Variants in IL12RB2 observed in about 807,000 individuals in gnomAD.
The protein encoded by IL12RB2 is interleukin 12 receptor subunit beta 2.
In IL12RB2, 82 loss-of-function variants were observed where a neutral mutation model predicts 89.4. The ratio of observed to expected loss-of-function variants is 0.92; its 90% confidence interval spans 0.77 to 1.10. The LOEUF (loss-of-function observed/expected upper bound fraction) is 1.10. Among genes scored for constraint, IL12RB2 ranks in the 50% least tolerant of loss-of-function variants. IL12RB2 has a pLI of 0.00. For missense variants in IL12RB2, 963 were observed against 1,031.9 expected (o/e 0.93, Z 0.92); for synonymous variants, 368 against 370.1 (o/e 0.99, Z 0.07).
intron 10 of IL12RB2, among the ~76,000 whole-genome samples, chr1:67,360,023 C>T (rs939879838): frequency 1.3e-5 from 2 of 152,056 alleles, no homozygotes; most frequent in South Asian, 2.1e-4. Flanking sequence ...GCTGGAGGCT[C>T]AGAACGGACA....
rs750327354 is a variant in IL12RB2, at chr1:67,321,907, A to C, written c.364+18A>C. Reference sequence around the variant, plus strand: ...CGTTGGTGGTGAGCATTCCATTTTGAATTTTTAAAACTTGGTGATCTTTTG... The same window carrying C: ...CGTTGGTGGTGAGCATTCCATTTTGCATTTTTAAAACTTGGTGATCTTTTG... On this transcript the variant is annotated intron_variant, in intron 4 of 16. Coordinates refer to ENST00000674203, the MANE Select transcript of IL12RB2 (RefSeq NM_001374259.2). 1.2e-6 allele frequency: 2 copies of C among 1,608,334 alleles called. No homozygotes were observed. The highest frequency in any genetic ancestry group is 4.5e-5 in the East Asian group (2 of 44,842).
chr1:67,350,830 T>A, intron 9 of IL12RB2, 40 bp from the exon 10 acceptor site: 1 of 1,610,814 alleles, frequency 6.2e-7, no homozygotes. Flanking sequence ...TCAGTGATCT[T>A]GTCTGGGAGT....
chr1:67,384,539 G>A (rs1664938886), intron 14 of IL12RB2, among the ~76,000 whole-genome samples: 1 of 152,196 alleles, frequency 6.6e-6, no homozygotes, highest in African/African-American at 2.4e-5. Flanking sequence ...CATTGTCTTG[G>A]TAATTAACAT....
intron 13 of IL12RB2, among the ~76,000 whole-genome samples, chr1:67,379,059 T>A (rs1664286338): frequency 6.7e-6 from 1 of 150,114 alleles, no homozygotes; most frequent in Non-Finnish European, 1.5e-5. Flanking sequence ...TAGCCAGGCA[T>A]GGTGGCACAC....
rs554889242 is a variant in IL12RB2 at position 67,362,289 on chromosome 1, G to A, written c.1259-5536G>A. The stretch of plus-strand genomic sequence containing the variant: ...CTGTCTCAAAAAAGAAAAAGAGGCC[G>A]GGCGCGGTGGCTCACGCCTGTAATC... On this transcript the variant is annotated intron_variant, in intron 10 of 16. Transcript: ENST00000674203. Among the ~76,000 whole-genome samples, 6 of 149,930 alleles carry A rather than the reference G, an allele frequency of 4.0e-5. No individual in the cohort carries two copies. The East Asian group carries it at 6.0e-4, about 15-fold the overall frequency.
intron 9 of IL12RB2, among the ~76,000 whole-genome samples, chr1:67,342,209 GTTTT>G (rs962799273): frequency 6.6e-6 from 1 of 150,460 alleles, no homozygotes; most frequent in Non-Finnish European, 1.5e-5. Context: ...TGTTTTTTGG[GTTTT>G]TTTTGTTTTT....
chr1:67,323,255 G>A (rs943365657), intron 4 of IL12RB2, among the ~76,000 whole-genome samples: 4 of 152,176 alleles, frequency 2.6e-5, no homozygotes, highest in Non-Finnish European at 5.9e-5. Context: ...GTATAAACTA[G>A]GCCAAGTACT....
At position 67,396,293 on chromosome 1, in the gene IL12RB2, G is replaced by A; in HGVS notation, c.*204G>A. The A allele has an allele frequency of 1.6e-6, 1 of 644,334 alleles. No homozygotes were observed. The allele number at this position is 644,334 out of a possible 1,614,324, so 39.9% of individuals were successfully genotyped here. On this transcript the variant is annotated 3_prime_UTR_variant, in exon 17 of 17. Transcript: ENST00000674203. ...CAGATGCCTCATCTTGCCTTTCCCA[G>A]GGCCTTAAAATTACATCCTTCACTG...
At chr1:67,356,445 A>C (rs1661407786) in intron 10 of IL12RB2, among the ~76,000 whole-genome samples, 1 of 152,216 alleles carries the variant, frequency 6.6e-6, no homozygotes, top group Admixed American at 6.5e-5. Context: ...GGGAGCAAAG[A>C]GTGCCTGTGA....
At chr1:67,362,553 A>G (rs1389783929) in intron 10 of IL12RB2, among the ~76,000 whole-genome samples, 5 of 143,262 alleles carry the variant, frequency 3.5e-5, no homozygotes, top group Admixed American at 2.1e-4. Flanking sequence ...GGCCTGGGCG[A>G]CAGAGCGAGA....
At chr1:67,340,505 C>T (rs1293427723) in intron 9 of IL12RB2, among the ~76,000 whole-genome samples, 2 of 152,196 alleles carry the variant, frequency 1.3e-5, no homozygotes, top group Admixed American at 1.3e-4. Context: ...AAGGGTTTCT[C>T]TCAGTAGAAT....
intron 14 of IL12RB2, among the ~76,000 whole-genome samples, chr1:67,380,560 G>A (rs189147953): frequency 2.0e-5 from 3 of 152,314 alleles, no homozygotes; most frequent in Admixed American, 6.5e-5. Context: ...TATTGCATAT[G>A]CAACAGTCAT....
At position 67,329,683 on chromosome 1, in the gene IL12RB2, T is replaced by C; in HGVS notation, c.761T>C (p.Leu254Pro). Residue 254 changes from leucine (L) to proline (P), a missense_variant, in exon 7 of 17, where the codon CTT becomes CCT. Transcript: ENST00000674203. ...LYWRDEGLVL[L>P]NRLRYRPSNS... Reference sequence around the variant, plus strand: ...TGGAGAGATGAGGGACTGGTACTGCTTAATCGACTCAGATATCGGCCCAGT... The same window carrying C: ...TGGAGAGATGAGGGACTGGTACTGCCTAATCGACTCAGATATCGGCCCAGT... 2.5e-6 allele frequency: 4 copies of C among 1,604,182 alleles called. No individual in the cohort carries two copies. Among genetic ancestry groups the C allele is most frequent in the Non-Finnish European group, 3.4e-6 (4 of 1,170,966 alleles).
Position 67,328,192 on chromosome 1 carries a change from G to A in IL12RB2, c.480-8G>A, listed in dbSNP as rs779938127. ...ATGTTGCTACACGTGGTTGTGTTTT[G>A]TTTACAGGCTAAGTGGACCAAAAAA... On this transcript the variant is annotated splice_polypyrimidine_tract_variant and splice_region_variant and intron_variant, in intron 5 of 16. Transcript: ENST00000674203. 25 of 1,598,474 alleles carry A rather than the reference G, an allele frequency of 1.6e-5. No homozygotes were observed. In the South Asian group the frequency reaches 2.3e-4, roughly 15 times the overall value.
intron 10 of IL12RB2, among the ~76,000 whole-genome samples, chr1:67,355,730 G>C (rs1383939781): frequency 1.3e-5 from 2 of 152,196 alleles, no homozygotes; most frequent in Non-Finnish European, 2.9e-5. Context: ...GAAGCTCTCA[G>C]TGAAAATGGA....
At chr1:67,382,612 C>T (rs1489135127) in intron 14 of IL12RB2, among the ~76,000 whole-genome samples, 6 of 152,132 alleles carry the variant, frequency 3.9e-5, no homozygotes, top group Non-Finnish European at 8.8e-5. Flanking sequence ...TGGCTGTTCC[C>T]TCCTTCCATG....
intron 14 of IL12RB2, among the ~76,000 whole-genome samples, chr1:67,380,354 A>C (rs947360597): frequency 1.3e-5 from 2 of 152,192 alleles, no homozygotes; most frequent in African/African-American, 4.8e-5. Context: ...TTCCTCCTTC[A>C]GGAAGCCTTC....
intron 9 of IL12RB2, among the ~76,000 whole-genome samples, chr1:67,343,775 C>T (rs190514719): frequency 1.3e-5 from 2 of 152,284 alleles, no homozygotes; most frequent in East Asian, 3.9e-4. Flanking sequence ...GTTCTAGTTT[C>T]CTCTCTTAAT....
chr1:67,308,120 T>TA (rs1420759129), intron 1 of IL12RB2, among the ~76,000 whole-genome samples, 153 bp downstream of exon 1: 3 of 152,070 alleles, frequency 2.0e-5, no homozygotes, highest in East Asian at 3.9e-4. Context: ...TATATATATA[T>TA]TTTTAAAGTC....
Sources: allele counts gnomAD v4.1 joint callset (sites outside exome capture counted in the v4.1 genomes callset), GRCh38; gene constraint gnomAD v4.1.1; transcripts MANE v1.5; gene names NCBI Gene and HGNC (gene_info 2026-07-23, HGNC 2026-07-21).